Variants in THAP2 observed in about 807,000 individuals in gnomAD.
THAP2 encodes THAP domain-containing protein 2.
Under a neutral mutation model 18.8 loss-of-function variants are expected in THAP2, and 16 were observed. That is an observed-to-expected ratio of 0.85 (90% CI 0.58 to 1.29). The LOEUF (loss-of-function observed/expected upper bound fraction) is 1.29, where lower values mean the gene tolerates loss of function less well. Ranked by LOEUF, THAP2 falls within the 50% of genes most tolerant of loss-of-function variation. The pLI is 0.00. For missense variants in THAP2, 251 were observed against 265.3 expected (o/e 0.95, Z 0.38); for synonymous variants, 80 against 89.2 (o/e 0.90, Z 0.58).
intron 1 of THAP2, among the ~76,000 whole-genome samples, chr12:71,666,173 A>G (rs1258782592): frequency 2.0e-5 from 3 of 152,298 alleles, no homozygotes; most frequent in Non-Finnish European, 4.4e-5. Context: ...TACTGAATTT[A>G]GTAATTTGAT....
In THAP2 at chr12:71,679,442, T is replaced by C. The variant is rs1177495816; in HGVS notation, c.*2334T>C. On this transcript the variant is annotated 3_prime_UTR_variant, in exon 3 of 3. Coordinates refer to ENST00000308086, the MANE Select transcript of THAP2 (RefSeq NM_031435.4). ...GAGTCTATTAAAATGCTGCTTTCAG[T>C]TTGATAGTTTTTTTTTTAATCACTC... 6.6e-6 allele frequency: 1 copy of C among 151,982 alleles called. No individual in the cohort carries two copies. The highest frequency in any genetic ancestry group is 1.5e-5 in the Non-Finnish European group (1 of 67,958). 9.4% of individuals were successfully genotyped at this position (151,982 alleles called of 1,614,324 possible). A position where few individuals can be genotyped will look rare whatever the true frequency, so the allele number is the denominator to read the frequency against.
intron 1 of THAP2, chr12:71,665,198 T>C: frequency 2.0e-6 from 1 of 490,242 alleles, no homozygotes; most frequent in Non-Finnish European, 3.6e-6. Flanking sequence ...CCAGAACTCT[T>C]GAAAGCACTT....
At chr12:71,668,011 G>A (rs1437071992) in intron 1 of THAP2, 3 of 152,080 alleles carry the variant, frequency 2.0e-5, no homozygotes, top group African/African-American at 4.8e-5. Flanking sequence ...TTTTAATAAT[G>A]GCTGTGTTTA....
At chr12:71,668,901 A>T (rs1881387699) in intron 1 of THAP2, among the ~76,000 whole-genome samples, 1 of 152,224 alleles carries the variant, frequency 6.6e-6, no homozygotes, top group Non-Finnish European at 1.5e-5. Flanking sequence ...AATTTAGCTT[A>T]TGGGCTATAT....
chr12:71,670,306 T>A (rs1446578939), intron 1 of THAP2, among the ~76,000 whole-genome samples: 1 of 152,204 alleles, frequency 6.6e-6, no homozygotes, highest in Non-Finnish European at 1.5e-5. Context: ...GTAGTCAAAC[T>A]AAAGAGTTTT....
At chr12:71,673,711 A>C (rs1881477857) in intron 1 of THAP2, among the ~76,000 whole-genome samples, 1 of 152,168 alleles carries the variant, frequency 6.6e-6, no homozygotes, top group African/African-American at 2.4e-5. Flanking sequence ...TGGAAATTAA[A>C]ATGGAAAAAT....
At chr12:71,667,155 C>T (rs1408806146) in intron 1 of THAP2, among the ~76,000 whole-genome samples, 1 of 152,208 alleles carries the variant, frequency 6.6e-6, no homozygotes, top group African/African-American at 2.4e-5. Flanking sequence ...ATTGCTCTTG[C>T]TAACATGACC....
chr12:71,666,186 G>T (rs979903452), intron 1 of THAP2, among the ~76,000 whole-genome samples: 3 of 152,098 alleles, frequency 2.0e-5, no homozygotes, highest in Non-Finnish European at 2.9e-5. Context: ...AATTTGATTG[G>T]ATAGATGAGA....
chr12:71,666,399 G>A (rs1281708471), intron 1 of THAP2, among the ~76,000 whole-genome samples: 1 of 152,068 alleles, frequency 6.6e-6, no homozygotes. Flanking sequence ...TGTAGTCCCA[G>A]CTACTCCGGA....
rs1171683342 is a variant in THAP2 at position 71,664,486 on chromosome 12, G to A, written c.-24G>A. 3 of 1,613,978 alleles carry A rather than the reference G, an allele frequency of 1.9e-6. No homozygotes were observed. The highest frequency in any genetic ancestry group is 1.3e-5 in the African/African-American group (1 of 74,918). ...CCAGCGCCTCAGTAGAGACCTAAGGGCGCTGAATGAGTGGGAAAGGGAAAT... is the reference window on the plus strand; with the variant it reads ...CCAGCGCCTCAGTAGAGACCTAAGGACGCTGAATGAGTGGGAAAGGGAAAT... On this transcript the variant is annotated 5_prime_UTR_variant, in exon 1 of 3. Coordinates refer to ENST00000308086, the MANE Select transcript of THAP2 (RefSeq NM_031435.4).
At position 71,677,033 on chromosome 12, in the gene THAP2, G is replaced by T; in HGVS notation, c.612G>T (p.Lys204Asn). The T allele has an allele frequency of 6.2e-7, 1 of 1,613,418 alleles. No homozygotes were observed. Among genetic ancestry groups the T allele is most frequent in the Non-Finnish European group, 8.5e-7 (1 of 1,179,572 alleles). ...GCAGTCTTCCTTTGGAAGATTTTAA[G>T]ATCCTTGAACAAGATCAACAAGATA... is the stretch of plus-strand genomic sequence containing the variant. ...ALSSLPLEDFKILEQDQQDKT... is the reference protein window; with the variant it reads ...ALSSLPLEDFNILEQDQQDKT... Residue 204 changes from lysine (K) to asparagine (N), a missense_variant, in exon 3 of 3, where the codon AAG becomes AAT. Physicochemically the swap from Lys to Asn is moderately conservative, Grantham distance 94. Transcript: ENST00000308086.
At position 71,664,346 on chromosome 12, in the gene THAP2, G is replaced by T. The variant is rs1881283114; in HGVS notation, c.-164G>T. The T allele has an allele frequency of 2.8e-6, 2 of 726,944 alleles. No individual in the cohort carries two copies. The highest frequency in any genetic ancestry group is 2.7e-5 in the East Asian group (1 of 37,378). The allele number at this position is 726,944 out of a possible 1,614,324, so 45.0% of individuals were successfully genotyped here. A position where few individuals can be genotyped will look rare whatever the true frequency, so the allele number is the denominator to read the frequency against. ...AGAAAGGGAAGGCTGACCGTCCTTC[G>T]CCTCCGCCCCCACATACACACCCCT... On this transcript the variant is annotated 5_prime_UTR_variant, in exon 1 of 3. Transcript: ENST00000308086.
chr12:71,670,340 G>A (rs1250212801), intron 1 of THAP2, among the ~76,000 whole-genome samples: 1 of 152,192 alleles, frequency 6.6e-6, no homozygotes, highest in Non-Finnish European at 1.5e-5. Context: ...ACATGTCAAT[G>A]TTGATTCTTA....
intron 2 of THAP2, among the ~76,000 whole-genome samples, chr12:71,676,479 G>A (rs113197890): frequency 5.7e-4 from 87 of 152,070 alleles, no homozygotes; most frequent in African/African-American, 2.0e-3. Context: ...CTGGATATGG[G>A]ACAAAAAGAA....
At chr12:71,671,132 C>T (rs1002303868) in intron 1 of THAP2, among the ~76,000 whole-genome samples, 2 of 152,044 alleles carry the variant, frequency 1.3e-5, no homozygotes, top group South Asian at 2.1e-4. Context: ...AAGGCAGGCA[C>T]GCTCAGTCTA....
chr12:71,666,000 C>T (rs897903482), intron 1 of THAP2, among the ~76,000 whole-genome samples: 3 of 152,150 alleles, frequency 2.0e-5, no homozygotes, highest in African/African-American at 7.2e-5. Context: ...GTTGCTGGCA[C>T]AATCAGCATT....
chr12:71,678,363 T>C lies in THAP2; in HGVS notation c.*1255T>C, dbSNP rs926887276. On this transcript the variant is annotated 3_prime_UTR_variant, in exon 3 of 3. Coordinates refer to ENST00000308086, the MANE Select transcript of THAP2 (RefSeq NM_031435.4). ...GGAAATTAAATGTTCCCTATAGAAA[T>C]ATGTGTATGTCTGTGATAGTGGTAT... The C allele has an allele frequency of 6.6e-6, 1 of 152,584 alleles. No individual in the cohort carries two copies. Among genetic ancestry groups the C allele is most frequent in the Non-Finnish European group, 1.5e-5 (1 of 68,020 alleles). 9.5% of individuals were successfully genotyped at this position (152,584 alleles called of 1,614,324 possible).
At position 71,664,575 on chromosome 12, in the gene THAP2, C is replaced by G. The variant is rs200033410; in HGVS notation, c.66C>G (p.Phe22Leu). Residue 22 changes from phenylalanine to leucine, a missense_variant, in exon 1 of 3, where the codon TTC becomes TTG. Transcript: ENST00000308086. ...ACAACAAGCACATTAACATCAGCTT[C>G]CACAGGTAACCTGGGCAGGGAGTGG... ...TTYNKHINISFHRFPLDPKRR... is the reference protein window; with the variant it reads ...TTYNKHINISLHRFPLDPKRR... The G allele has an allele frequency of 1.2e-6, 2 of 1,614,168 alleles. No individual in the cohort carries two copies. The highest frequency in any genetic ancestry group is 4.5e-5 in the East Asian group (2 of 44,870).
At chr12:71,665,014 C>G (rs1204356468) in intron 1 of THAP2, 8 of 701,450 alleles carry the variant, frequency 1.1e-5, no homozygotes, top group Non-Finnish European at 2.1e-5. Flanking sequence ...TTCTAATAGT[C>G]ACATAGTAAT....
Sources: gnomAD v4.1 joint callset for allele counts (sites outside exome capture counted in the v4.1 genomes callset) on GRCh38, gnomAD v4.1.1 for gene constraint, MANE v1.5 for transcripts, NCBI Gene and HGNC (gene_info 2026-07-23, HGNC 2026-07-21) for gene names.